The following PPM1E variants were observed in gnomAD, a reference collection of about 807,000 sequenced individuals.
PPM1E encodes protein phosphatase, Mg2+/Mn2+ dependent 1E.
Under a neutral mutation model 65.9 loss-of-function variants are expected in PPM1E, and 20 were observed. The ratio of observed to expected loss-of-function variants is 0.30; its 90% CI spans 0.21 to 0.44. The LOEUF is 0.44. Ranked by LOEUF, PPM1E falls within the 20% of genes least tolerant of loss-of-function variation. PPM1E has a pLI of 1.00. For synonymous variants in PPM1E, 352 were observed against 374.9 expected (o/e 0.94, Z 0.70); for missense variants, 713 against 953.1 (o/e 0.75, Z 3.32).
In PPM1E at chr17:58,882,572, G is replaced by A. The variant is rs9891588; in HGVS notation, c.465-73077G>A. 9.5e-3 allele frequency among the ~76,000 whole-genome samples: 1,440 copies of A among 151,980 alleles called. 25 individuals are homozygous for A. The highest frequency in any genetic ancestry group is 0.033 in the African/African-American group (1,349 of 41,476). On this transcript the variant is annotated intron_variant, in intron 1 of 6. Transcript: ENST00000308249. ...CGCCTGGCTAATTTTTGTATTTTTA[G>A]TAGAGACAGGGTTTCACCATGTTGG... is the stretch of plus-strand genomic sequence containing the variant.
At chr17:58,861,239 CAAG>C (rs1478263021) in intron 1 of PPM1E, among the ~76,000 whole-genome samples, 2 of 152,154 alleles carry the variant, frequency 1.3e-5, no homozygotes, top group Non-Finnish European at 2.9e-5. Flanking sequence ...GAGCCCATTG[CAAG>C]AAGATGTTTG....
intron 1 of PPM1E, among the ~76,000 whole-genome samples, chr17:58,903,850 TC>T (rs2143478100): frequency 6.6e-6 from 1 of 152,348 alleles, no homozygotes; most frequent in East Asian, 1.9e-4. Flanking sequence ...GGTTCTCCCC[TC>T]TTCCCCTGCC....
intron 1 of PPM1E, among the ~76,000 whole-genome samples, chr17:58,778,923 CATACAT>C (rs1409497320): frequency 4.9e-5 from 3 of 61,778 alleles, no homozygotes; most frequent in East Asian, 3.6e-4. Flanking sequence ...TGAGATGATA[CATACAT>C]ATATATATAT....
chr17:58,956,363 GA>G (rs1236280815), intron 2 of PPM1E, among the ~76,000 whole-genome samples: 2 of 151,714 alleles, frequency 1.3e-5, no homozygotes, highest in African/African-American at 4.8e-5. Context: ...TTGAACCCAG[GA>G]GGTGGAGGTT....
chr17:58,830,496 CG>C (rs1423875508), intron 1 of PPM1E, among the ~76,000 whole-genome samples: 1 of 151,440 alleles, frequency 6.6e-6, no homozygotes, highest in African/African-American at 2.4e-5. Context: ...TTAGTAGAGA[CG>C]GGGTTTCACC....
intron 1 of PPM1E, among the ~76,000 whole-genome samples, chr17:58,920,440 C>T (rs556309081): frequency 6.6e-6 from 1 of 152,250 alleles, no homozygotes; most frequent in Middle Eastern, 3.4e-3. Flanking sequence ...TACTCTCCTC[C>T]CACAACTCCT....
intron 1 of PPM1E, among the ~76,000 whole-genome samples, chr17:58,942,385 CAAAAA>C (rs2052085539): frequency 6.6e-6 from 1 of 151,650 alleles, no homozygotes; most frequent in African/African-American, 2.4e-5. Context: ...GGCTCTGTCT[CAAAAA>C]AGAAAAAGAA....
intron 1 of PPM1E, among the ~76,000 whole-genome samples, chr17:58,811,454 A>G (rs2050367092): frequency 6.6e-6 from 1 of 152,194 alleles, no homozygotes; most frequent in Non-Finnish European, 1.5e-5. Flanking sequence ...TCTTCTTGGC[A>G]ACCAAATTGC....
At chr17:58,857,664 C>T (rs1467015813) in intron 1 of PPM1E, among the ~76,000 whole-genome samples, 10 of 151,976 alleles carry the variant, frequency 6.6e-5, no homozygotes, top group East Asian at 1.9e-4. Flanking sequence ...CTTTCTTTTG[C>T]GGTCAGAAAA....
chr17:58,867,451 T>TC (rs2051018319), intron 1 of PPM1E, among the ~76,000 whole-genome samples: 1 of 152,232 alleles, frequency 6.6e-6, no homozygotes, highest in Non-Finnish European at 1.5e-5. Context: ...GTACAAGGAA[T>TC]AATCAAGCCT....
At chr17:58,846,156 A>AC (rs961594179) in intron 1 of PPM1E, among the ~76,000 whole-genome samples, 1 of 152,134 alleles carries the variant, frequency 6.6e-6, no homozygotes, top group African/African-American at 2.4e-5. Context: ...TCTCTTTGGG[A>AC]CCCAATTCTT....
At chr17:58,763,645 A>G (rs1395903097) in intron 1 of PPM1E, among the ~76,000 whole-genome samples, 4 of 152,108 alleles carry the variant, frequency 2.6e-5, no homozygotes, top group Non-Finnish European at 5.9e-5. Flanking sequence ...GATTGATATA[A>G]GTACATTTTA....
At chr17:58,907,284 A>G (rs2051570528) in intron 1 of PPM1E, among the ~76,000 whole-genome samples, 1 of 151,982 alleles carries the variant, frequency 6.6e-6, no homozygotes, top group African/African-American at 2.4e-5. Context: ...TTATCTCCAC[A>G]TATTTGGGGA....
intron 4 of PPM1E, 115 bp downstream of exon 4, chr17:58,969,842 G>C: frequency 5.1e-6 from 5 of 983,608 alleles, no homozygotes; most frequent in Non-Finnish European, 7.4e-6. Context: ...TATCCAAACT[G>C]TATTCTTGAC....
intron 1 of PPM1E, among the ~76,000 whole-genome samples, chr17:58,780,155 T>G (rs1030133908): frequency 4.6e-5 from 7 of 152,256 alleles, no homozygotes; most frequent in African/African-American, 1.7e-4. Flanking sequence ...AATCTTTTCT[T>G]AAATTCTTCA....
intron 1 of PPM1E, among the ~76,000 whole-genome samples, chr17:58,926,619 T>A (rs1244282899): frequency 1.3e-5 from 2 of 152,176 alleles, no homozygotes; most frequent in African/African-American, 4.8e-5. Flanking sequence ...TCCATGTGTG[T>A]GTTCATTTCC....
chr17:58,836,770 C>T (rs1268499563), intron 1 of PPM1E, among the ~76,000 whole-genome samples: 1 of 148,694 alleles, frequency 6.7e-6, no homozygotes, highest in Non-Finnish European at 1.5e-5. Context: ...GCCTGTAATC[C>T]CAGCACTTTG....
At chr17:58,892,694 T>C (rs1349280433) in intron 1 of PPM1E, among the ~76,000 whole-genome samples, 1 of 152,136 alleles carries the variant, frequency 6.6e-6, no homozygotes, top group Non-Finnish European at 1.5e-5. Context: ...GCAAAAGACA[T>C]ATCTGATAAA....
chr17:58,896,399 A>G (rs2051417242), intron 1 of PPM1E, among the ~76,000 whole-genome samples: 1 of 152,008 alleles, frequency 6.6e-6, no homozygotes, highest in African/African-American at 2.4e-5. Flanking sequence ...TGCCTGACCA[A>G]TATGGTAAAA....
Sources: gnomAD v4.1 joint callset for allele counts (sites outside exome capture counted in the v4.1 genomes callset) on GRCh38, gnomAD v4.1.1 for gene constraint, MANE v1.5 for transcripts, NCBI Gene and HGNC (gene_info 2026-07-23, HGNC 2026-07-21) for gene names.